The following MEI4 variants were observed in gnomAD, a reference collection of about 807,000 sequenced individuals.
MEI4 encodes the protein meiosis-specific protein MEI4.
A neutral mutation model predicts 31.4 loss-of-function variants in MEI4; 27 were observed. That is an observed-to-expected ratio of 0.86 (90% CI 0.63 to 1.19). The LOEUF (loss-of-function observed/expected upper bound fraction) is 1.19. MEI4 is among the 50% of genes most tolerant of loss of function. The pLI, the probability that MEI4 is intolerant of heterozygous loss-of-function variation, is 0.00. For synonymous variants in MEI4, 122 were observed against 145.4 expected (o/e 0.84, Z 1.16); for missense variants, 329 against 398.9 (o/e 0.82, Z 1.49).
At chr6:77,849,986 A>T (rs974150331) in intron 4 of MEI4, among the ~76,000 whole-genome samples, 1 of 152,192 alleles carries the variant, frequency 6.6e-6, no homozygotes, top group African/African-American at 2.4e-5. Flanking sequence ...ATTAATAGCA[A>T]TTTTATGTCT....
chr6:77,722,449 G>T (rs1316439642), intron 2 of MEI4, among the ~76,000 whole-genome samples: 66 of 151,450 alleles, frequency 4.4e-4, no homozygotes, highest in African/African-American at 1.5e-3. Flanking sequence ...GCTCTATAGT[G>T]GCCGCCCCTA....
intron 3 of MEI4, among the ~76,000 whole-genome samples, chr6:77,814,467 G>C (rs1769645328): frequency 6.6e-6 from 1 of 152,214 alleles, no homozygotes; most frequent in Non-Finnish European, 1.5e-5. Flanking sequence ...CCAAGTGGTA[G>C]CTGGGTTTAT....
chr6:77,732,937 T>A (rs932964595), intron 2 of MEI4, among the ~76,000 whole-genome samples: 1 of 151,052 alleles, frequency 6.6e-6, no homozygotes, highest in African/African-American at 2.4e-5. Context: ...ATTTATTGAT[T>A]TGCATATATT....
chr6:77,745,749 A>T (rs1053821750), intron 2 of MEI4, among the ~76,000 whole-genome samples: 2 of 152,182 alleles, frequency 1.3e-5, no homozygotes, highest in African/African-American at 4.8e-5. Flanking sequence ...ATGTAAAAGA[A>T]CAGAAATTAT....
chr6:77,842,784 C>T (rs1770396682), intron 4 of MEI4, among the ~76,000 whole-genome samples: 1 of 151,950 alleles, frequency 6.6e-6, no homozygotes, highest in African/African-American at 2.4e-5. Context: ...TAATAAGGGA[C>T]TACTATAAAC....
chr6:77,923,260 T>C lies in MEI4; in HGVS notation c.1072T>C (p.Ser358Pro), dbSNP rs1766753733. The change falls in exon 5 of 5, where the codon TCT becomes CCT. Residue 358 changes from serine to proline, a missense_variant. Transcript: ENST00000684080. ...QKHDETIFQL[S>P]DAFPLFTFYL... ...GCATGATGAAACTATTTTCCAACTT[T>C]CTGATGCATTTCCTTTGTTTACTTT... The C allele has an allele frequency of 2.4e-6, 3 of 1,230,478 alleles. No homozygotes were observed. Among genetic ancestry groups the C allele is most frequent in the Non-Finnish European group, 3.0e-6 (3 of 986,820 alleles). The allele number at this position is 1,230,478 out of a possible 1,614,324, so 76.2% of individuals were successfully genotyped here.
chr6:77,761,416 A>AAAAGAG lies in MEI4; in HGVS notation c.520_521insAAGAGA (p.Leu173_Thr174insLysGlu). The AAAAGAG allele has an allele frequency of 2.4e-6, 3 of 1,232,152 alleles. No individual in the cohort carries two copies. The highest frequency in any genetic ancestry group is 3.0e-6 in the Non-Finnish European group (3 of 987,936). The allele number at this position is 1,232,152 out of a possible 1,614,324, so 76.3% of individuals were successfully genotyped here. On this transcript the variant is annotated inframe_insertion, in exon 3 of 5. Coordinates refer to ENST00000684080, the MANE Select transcript of MEI4 (RefSeq NM_001322247.2). ...AATCAGGTAATCTTAAAAGAGACTT[A>AAAAGAG]ACCCACTTTGAAAAAGACTCTTCCA...
chr6:77,925,191 A>G lies in MEI4; in HGVS notation c.*1845A>G, dbSNP rs539736013. The stretch of plus-strand genomic sequence containing the variant: ...TAAGAGACTTTTGGAGCTACAACAA[A>G]TTTATTAATTTCAGTGGTCTCCAAG... On this transcript the variant is annotated 3_prime_UTR_variant, in exon 5 of 5. Coordinates refer to ENST00000684080, the MANE Select transcript of MEI4 (RefSeq NM_001322247.2). 6.6e-6 allele frequency: 1 copy of G among 151,886 alleles called. No individual in the cohort carries two copies. Among genetic ancestry groups the G allele is most frequent in the Non-Finnish European group, 1.5e-5 (1 of 67,918 alleles). The allele number at this position is 151,886 out of a possible 1,614,324, so 9.4% of individuals were successfully genotyped here.
At chr6:77,795,307 T>C (rs1769045800) in intron 3 of MEI4, among the ~76,000 whole-genome samples, 1 of 152,170 alleles carries the variant, frequency 6.6e-6, no homozygotes, top group Non-Finnish European at 1.5e-5. Context: ...TCCTCGCTCA[T>C]GCTTTGTGGA....
intron 2 of MEI4, among the ~76,000 whole-genome samples, chr6:77,752,409 CAA>C (rs1455916104): frequency 3.3e-5 from 5 of 152,170 alleles, no homozygotes; most frequent in African/African-American, 1.2e-4. Flanking sequence ...GCAACTTCAG[CAA>C]AGTCTCAGGA....
chr6:77,711,890 C>A (rs1247496800), intron 2 of MEI4, among the ~76,000 whole-genome samples: 1 of 152,118 alleles, frequency 6.6e-6, no homozygotes, highest in African/African-American at 2.4e-5. Flanking sequence ...TTGGGGTATA[C>A]TTTTGAAACA....
In MEI4 at chr6:77,872,849, C is replaced by A. The variant is rs1257342466; in HGVS notation, c.900+43787C>A. 2.0e-5 allele frequency among the ~76,000 whole-genome samples: 3 copies of A among 150,358 alleles called. No individual in the cohort carries two copies. The Admixed American group carries it at 2.0e-4, about 10-fold the overall frequency. On this transcript the variant is annotated intron_variant, in intron 4 of 4. Coordinates refer to ENST00000684080, the MANE Select transcript of MEI4 (RefSeq NM_001322247.2). The stretch of plus-strand genomic sequence containing the variant: ...TGTGGTGTTTGGTTTTTTGTCCTTG[C>A]AATAGTTTACTGAGAATGATGATTT...
intron 3 of MEI4, among the ~76,000 whole-genome samples, chr6:77,811,842 A>G (rs1287830811): frequency 6.6e-6 from 1 of 152,124 alleles, no homozygotes; most frequent in Admixed American, 6.6e-5. Flanking sequence ...CTTACTATGT[A>G]ATGTTTTTAA....
intron 4 of MEI4, among the ~76,000 whole-genome samples, chr6:77,829,702 T>G (rs1192266265): frequency 6.6e-6 from 1 of 152,176 alleles, no homozygotes; most frequent in African/African-American, 2.4e-5. Flanking sequence ...TGACACTGGT[T>G]TATTACATGT....
intron 2 of MEI4, among the ~76,000 whole-genome samples, chr6:77,742,368 C>G (rs1430633142): frequency 6.6e-6 from 1 of 151,830 alleles, no homozygotes; most frequent in South Asian, 2.1e-4. Flanking sequence ...TCTCTGATGG[C>G]CAGTGATGGT....
rs547744158 is a variant in MEI4 at position 77,743,394 on chromosome 6, G to C, written c.233-17736G>C. ...CTCTCTTTGAAGCAATTGTGAATTG[G>C]AGTTCACTCATAATTTGGCTCTCTG... On this transcript the variant is annotated intron_variant, in intron 2 of 4. Transcript: ENST00000684080. Among the ~76,000 whole-genome samples, 28 of 152,220 alleles carry C rather than the reference G, an allele frequency of 1.8e-4. No individual in the cohort carries two copies. In the South Asian group the frequency reaches 5.4e-3, roughly 29 times the overall value.
intron 4 of MEI4, among the ~76,000 whole-genome samples, chr6:77,834,375 T>G (rs1388531979): frequency 6.8e-6 from 1 of 147,808 alleles, no homozygotes; most frequent in Non-Finnish European, 1.5e-5. Flanking sequence ...TCATTTCATA[T>G]TATATATTTA....
At chr6:77,654,684 AAATTG>A (rs1465612676) in intron 1 of MEI4, among the ~76,000 whole-genome samples, 2 of 151,452 alleles carry the variant, frequency 1.3e-5, no homozygotes, top group African/African-American at 4.9e-5. Context: ...GTTGATAATC[AAATTG>A]AATTTAGATG....
rs187382431 is a variant in MEI4, at chr6:77,856,000, A to G, written c.900+26938A>G. 2.5e-3 allele frequency among the ~76,000 whole-genome samples: 377 copies of G among 152,270 alleles called. 2 individuals carry two copies. Among genetic ancestry groups the G allele is most frequent in the Non-Finnish European group, 4.1e-3 (276 of 68,014 alleles). ...AGTAATCTGTCAATACATTAAAAAA[A>G]TTGCTGGTTTTCTCCTAATAAAATT... On this transcript the variant is annotated intron_variant, in intron 4 of 4. Transcript: ENST00000684080.
Sources: gnomAD v4.1 joint callset for allele counts (sites outside exome capture counted in the v4.1 genomes callset) on GRCh38, gnomAD v4.1.1 for gene constraint, MANE v1.5 for transcripts, NCBI Gene and HGNC (gene_info 2026-07-23, HGNC 2026-07-21) for gene names.